The following PDZD8 variants were observed in gnomAD, a reference collection of about 807,000 sequenced individuals.
PDZD8 encodes the protein PDZ domain containing 8.
A neutral mutation model predicts 85.8 loss-of-function variants in PDZD8; 14 were observed. The ratio of observed to expected loss-of-function variants is 0.16; its 90% CI spans 0.11 to 0.26. PDZD8 has a LOEUF of 0.26. Among genes scored for constraint, PDZD8 ranks in the 10% least tolerant of loss-of-function variants. The pLI, the probability that PDZD8 is intolerant of heterozygous loss-of-function variation, is 1.00. For missense variants in PDZD8, 1,197 were observed against 1,424.3 expected, an observed-to-expected ratio of 0.84 and a Z score of 2.57; for synonymous variants, 592 against 568.6, an observed-to-expected ratio of 1.04 and a Z score of -0.59.
At chr10:117,357,222 C>T (rs1355691455) in intron 1 of PDZD8, among the ~76,000 whole-genome samples, 1 of 151,450 alleles carries the variant, frequency 6.6e-6, no homozygotes, top group Non-Finnish European at 1.5e-5. Flanking sequence ...GTGAAACCCC[C>T]ATCTCTACCA....
intron 2 of PDZD8, among the ~76,000 whole-genome samples, chr10:117,325,524 TC>T (rs1444921473): frequency 6.6e-6 from 1 of 150,718 alleles, no homozygotes; most frequent in Non-Finnish European, 1.5e-5. Flanking sequence ...TGCCTGAACC[TC>T]CCAAGTAGCT....
At chr10:117,305,735 C>T (rs904298065) in intron 3 of PDZD8, among the ~76,000 whole-genome samples, 2 of 152,178 alleles carry the variant, frequency 1.3e-5, no homozygotes, top group East Asian at 1.9e-4. Context: ...TTGTATAACG[C>T]CTAAATTTTC....
chr10:117,322,721 C>A (rs1363516949), intron 2 of PDZD8, among the ~76,000 whole-genome samples: 1 of 152,012 alleles, frequency 6.6e-6, no homozygotes, highest in Non-Finnish European at 1.5e-5. Flanking sequence ...AGAGCCAAAG[C>A]CATAACCTGA....
chr10:117,308,896 T>C (rs369733417), intron 3 of PDZD8, among the ~76,000 whole-genome samples: 5 of 152,186 alleles, frequency 3.3e-5, no homozygotes, highest in African/African-American at 1.2e-4. Context: ...CACAGAAAAA[T>C]TGCAGAAACT....
At chr10:117,320,804 T>C (rs947419493) in intron 2 of PDZD8, among the ~76,000 whole-genome samples, 3 of 152,110 alleles carry the variant, frequency 2.0e-5, no homozygotes, top group African/African-American at 4.8e-5. Context: ...ATAAATTCTT[T>C]ACAGCTCAAC....
rs1844536276 is a variant in PDZD8 at position 117,278,702 on chromosome 10, T to C, written c.*4566A>G. On this transcript the variant is annotated 3_prime_UTR_variant, in exon 5 of 5. Coordinates refer to ENST00000334464, the MANE Select transcript of PDZD8 (RefSeq NM_173791.5). The stretch of plus-strand genomic sequence containing the variant: ...GAACTTTAGAACAGACTCCTCAATC[T>C]TGTGACTTTCTTATTCTCTAGGAAA... 1 of 152,224 alleles carries C rather than the reference T, an allele frequency of 6.6e-6. No homozygotes were observed. The highest frequency in any genetic ancestry group is 2.1e-4 in the South Asian group (1 of 4,832). The allele number at this position is 152,224 out of a possible 1,614,324, so 9.4% of individuals were successfully genotyped here.
chr10:117,366,291 AG>A (rs1038665237), intron 1 of PDZD8, among the ~76,000 whole-genome samples: 16 of 152,282 alleles, frequency 1.1e-4, no homozygotes, highest in African/African-American at 3.9e-4. Flanking sequence ...AAAAGCTTCA[AG>A]GGAACTATGA....
rs1217056905 is a variant in PDZD8 at position 117,359,592 on chromosome 10, T to G, written c.872+14764A>C. ...TGGGCATGGTGGTGCGCGCCTATAGTCCCAACTGCTCGAGAGGCTGAGGTG... is the reference window on the plus strand; with the variant it reads ...TGGGCATGGTGGTGCGCGCCTATAGGCCCAACTGCTCGAGAGGCTGAGGTG... On this transcript the variant is annotated intron_variant, in intron 1 of 4. Coordinates refer to ENST00000334464, the MANE Select transcript of PDZD8 (RefSeq NM_173791.5). Among the ~76,000 whole-genome samples the G allele has an allele frequency of 2.0e-5, 3 of 152,068 alleles. No homozygotes were observed. The East Asian group carries it at 5.8e-4, about 29-fold the overall frequency.
At chr10:117,343,230 C>T (rs1005131895) in intron 1 of PDZD8, among the ~76,000 whole-genome samples, 4 of 152,094 alleles carry the variant, frequency 2.6e-5, no homozygotes, top group Admixed American at 6.5e-5. Context: ...GGGTTAAATG[C>T]TGTTTTATGT....
chr10:117,318,789 T>C, intron 3 of PDZD8, 83 bp downstream of exon 3: 1 of 1,011,030 alleles, frequency 9.9e-7, no homozygotes. Flanking sequence ...CAAAAATAAC[T>C]CTAGGAATAC....
intron 3 of PDZD8, among the ~76,000 whole-genome samples, chr10:117,303,395 G>C (rs1368731494): frequency 6.6e-6 from 1 of 152,190 alleles, no homozygotes; most frequent in Non-Finnish European, 1.5e-5. Context: ...GCATTCAACA[G>C]GTGACTTGGG....
intron 3 of PDZD8, among the ~76,000 whole-genome samples, chr10:117,306,585 T>C (rs1294778219): frequency 6.6e-6 from 1 of 152,086 alleles, no homozygotes; most frequent in East Asian, 1.9e-4. Context: ...CTTCATATAG[T>C]ATCACTCTAC....
intron 1 of PDZD8, among the ~76,000 whole-genome samples, chr10:117,358,998 T>C (rs10886062): frequency 0.15 from 22,606 of 152,134 alleles, 1,972 homozygotes; most frequent in East Asian, 0.41. Context: ...TCCCAGTTCA[T>C]GGCTGTTTGT....
intron 1 of PDZD8, among the ~76,000 whole-genome samples, chr10:117,353,313 T>C (rs1165691232): frequency 6.6e-6 from 1 of 152,158 alleles, no homozygotes; most frequent in Admixed American, 6.5e-5. Context: ...AAATCAATAA[T>C]AATGGTAATG....
At chr10:117,333,179 C>G (rs73407960) in intron 2 of PDZD8, among the ~76,000 whole-genome samples, 3 of 141,400 alleles carry the variant, frequency 2.1e-5, no homozygotes, top group African/African-American at 7.8e-5. Flanking sequence ...ACAGAAAGAC[C>G]GAGGAACTCT....
chr10:117,371,946 C>T (rs1192720110), intron 1 of PDZD8, among the ~76,000 whole-genome samples: 1 of 152,028 alleles, frequency 6.6e-6, no homozygotes, highest in African/African-American at 2.4e-5. Context: ...CCTGTCTCAA[C>T]AAACAAACGA....
At chr10:117,347,956 T>TA (rs1303200794) in intron 1 of PDZD8, among the ~76,000 whole-genome samples, 2 of 152,154 alleles carry the variant, frequency 1.3e-5, no homozygotes, top group African/African-American at 4.8e-5. Context: ...GGTAAGGGAT[T>TA]AGGAGGGTGA....
chr10:117,353,571 T>G (rs962768364), intron 1 of PDZD8, among the ~76,000 whole-genome samples: 3 of 152,204 alleles, frequency 2.0e-5, no homozygotes, highest in African/African-American at 7.2e-5. Context: ...AAAATGATCC[T>G]AAGCTAGATG....
At chr10:117,349,615 C>T (rs527521893) in intron 1 of PDZD8, among the ~76,000 whole-genome samples, 1 of 152,086 alleles carries the variant, frequency 6.6e-6, no homozygotes, top group Non-Finnish European at 1.5e-5. Flanking sequence ...CCAGCCTGGG[C>T]AACATAGCCA....
Sources: allele counts gnomAD v4.1 joint callset (sites outside exome capture counted in the v4.1 genomes callset), GRCh38; gene constraint gnomAD v4.1.1; transcripts MANE v1.5; gene names NCBI Gene and HGNC (gene_info 2026-07-23, HGNC 2026-07-21).